The following MAP2 variants were observed in gnomAD, a reference collection of about 807,000 sequenced individuals.
The protein encoded by MAP2 is microtubule associated protein 2, also known as microtubule-associated protein 2.
Under a neutral mutation model 137.6 loss-of-function variants are expected in MAP2, and 14 were observed. That is an observed-to-expected ratio of 0.10 (90% CI 0.07 to 0.16). The LOEUF (loss-of-function observed/expected upper bound fraction) is 0.16, where lower values mean the gene tolerates loss of function less well. MAP2 is among the 10% of genes least tolerant of loss of function. The pLI is 1.00. For missense variants in MAP2, 2,088 were observed against 2,191.5 expected (o/e 0.95, Z 0.94); for synonymous variants, 786 against 782.3 (o/e 1.00, Z -0.08).
chr2:209,462,554 A>C (rs1703085422), intron 1 of MAP2, among the ~76,000 whole-genome samples: 1 of 152,196 alleles, frequency 6.6e-6, no homozygotes, highest in Admixed American at 6.5e-5. Context: ...CCAAGAGACA[A>C]AAAGAAAGTC....
chr2:209,634,882 C>T (rs1167789087), intron 4 of MAP2, among the ~76,000 whole-genome samples: 1 of 151,976 alleles, frequency 6.6e-6, no homozygotes, highest in Non-Finnish European at 1.5e-5. Flanking sequence ...ATAGAGAAAG[C>T]AAGCATTTTG....
At chr2:209,617,642 C>T (rs2089937935) in intron 3 of MAP2, among the ~76,000 whole-genome samples, 1 of 152,064 alleles carries the variant, frequency 6.6e-6, no homozygotes, top group African/African-American at 2.4e-5. Context: ...GGTGTCTCCT[C>T]CTCTTCTTAT....
At chr2:209,729,992 T>C (rs1032613668) in intron 15 of MAP2, 30 bp downstream of exon 15, 1 of 1,113,180 alleles carries the variant, frequency 9.0e-7, no homozygotes, top group African/African-American at 2.7e-5. Context: ...GCCAATCTTG[T>C]CTTTTTAAAA....
intron 5 of MAP2, among the ~76,000 whole-genome samples, chr2:209,668,486 T>A (rs1450763493): frequency 6.6e-6 from 1 of 152,042 alleles, no homozygotes; most frequent in Non-Finnish European, 1.5e-5. Context: ...ATGTATTTAA[T>A]AATATTTTCC....
In MAP2 at chr2:209,693,063, T is replaced by C. The variant is rs769662342; in HGVS notation, c.893T>C (p.Phe298Ser). 6.2e-6 allele frequency: 10 copies of C among 1,613,120 alleles called. No homozygotes were observed. The highest frequency in any genetic ancestry group is 5.1e-6 in the Non-Finnish European group (6 of 1,179,750). Reference sequence around the variant, plus strand: ...ACTCCCATGAGGGAAAAAGATGTATTTGATGATATCCCAAAATGGGAAGGG... The same window carrying C: ...ACTCCCATGAGGGAAAAAGATGTATCTGATGATATCCCAAAATGGGAAGGG... ...PLTPMREKDV[F>S]DDIPKWEGKQ... is the part of the protein sequence containing the mutation. Residue 298 changes from phenylalanine (F) to serine (S), a missense_variant, in exon 8 of 16, where the codon TTT becomes TCT. Phe to Ser is a radical substitution (Grantham distance 155). Around this residue, in one of 6 missense-constraint regions of MAP2, gnomAD observed 859 missense variants for 794.5 expected, o/e 1.08. Coordinates refer to ENST00000682079, the MANE Select transcript of MAP2 (RefSeq NM_001375505.1).
chr2:209,535,558 CTTTT>C (rs1325695071), intron 2 of MAP2, among the ~76,000 whole-genome samples: 1 of 137,716 alleles, frequency 7.3e-6, no homozygotes, highest in Non-Finnish European at 1.6e-5. Context: ...GGCAAAGTGT[CTTTT>C]TTTTTTTTTT....
chr2:209,660,700 C>CAAT (rs1196941789), intron 5 of MAP2, among the ~76,000 whole-genome samples: 3 of 120,124 alleles, frequency 2.5e-5, no homozygotes, highest in South Asian at 2.9e-4. Context: ...CGGCCTGCTG[C>CAAT]AATTATTATT....
intron 1 of MAP2, among the ~76,000 whole-genome samples, chr2:209,496,107 T>C (rs903314537): frequency 2.6e-5 from 4 of 152,230 alleles, no homozygotes; most frequent in Non-Finnish European, 4.4e-5. Flanking sequence ...TGATGTTTTG[T>C]ATGAATAATA....
rs763567565 is a variant in MAP2, at chr2:209,694,549, A to C, written c.2379A>C (p.Lys793Asn). ...CATGTGAGTCTCCTTTCCTAGCCAA[A>C]GATTTTTACAAAAATGGTACTGTCA... Reference protein sequence around the residue: ...EISCESPFLAKDFYKNGTVMA... With the variant: ...EISCESPFLANDFYKNGTVMA... The change falls in exon 8 of 16, where the codon AAA becomes AAC. Residue 793 changes from lysine (K) to asparagine (N), a missense_variant. By Grantham distance (94) the Lys-to-Asn change is moderately conservative (BLOSUM62 0). Coordinates refer to ENST00000682079, the MANE Select transcript of MAP2 (RefSeq NM_001375505.1). 1 of 1,614,064 alleles carries C rather than the reference A, an allele frequency of 6.2e-7. No individual in the cohort carries two copies. Among genetic ancestry groups the C allele is most frequent in the Admixed American group, 1.7e-5 (1 of 59,998 alleles).
At chr2:209,490,019 G>A (rs2058875842) in intron 1 of MAP2, among the ~76,000 whole-genome samples, 1 of 152,250 alleles carries the variant, frequency 6.6e-6, no homozygotes, top group Non-Finnish European at 1.5e-5. Context: ...AATGTTAAGG[G>A]CAGCCAGAGA....
intron 2 of MAP2, among the ~76,000 whole-genome samples, chr2:209,572,302 T>C (rs2074531865): frequency 6.6e-6 from 1 of 152,110 alleles, no homozygotes; most frequent in Non-Finnish European, 1.5e-5. Context: ...ATGTCAAAGA[T>C]GACCACATGC....
chr2:209,661,194 C>T (rs1414980959), intron 5 of MAP2, among the ~76,000 whole-genome samples: 1 of 152,144 alleles, frequency 6.6e-6, no homozygotes, highest in Non-Finnish European at 1.5e-5. Flanking sequence ...CTCACCTCGC[C>T]CTTTCTCCCC....
intron 2 of MAP2, among the ~76,000 whole-genome samples, chr2:209,563,725 A>G (rs896819114): frequency 3.9e-5 from 6 of 152,218 alleles, no homozygotes; most frequent in Non-Finnish European, 7.3e-5. Context: ...AATTCCTCAT[A>G]GAGGTTTTGG....
intron 1 of MAP2, among the ~76,000 whole-genome samples, chr2:209,478,023 C>A (rs986451914): frequency 8.6e-5 from 13 of 151,806 alleles, no homozygotes; most frequent in Admixed American, 6.6e-5. Context: ...AATAAAGATA[C>A]TAAAAATACT....
chr2:209,576,472 C>G (rs1486027235), intron 2 of MAP2, among the ~76,000 whole-genome samples: 1 of 151,918 alleles, frequency 6.6e-6, no homozygotes, highest in African/African-American at 2.4e-5. Context: ...GTTTCAAACT[C>G]CTGACCTCAG....
chr2:209,547,250 T>A (rs2068259784), intron 2 of MAP2, among the ~76,000 whole-genome samples: 1 of 152,026 alleles, frequency 6.6e-6, no homozygotes, highest in Non-Finnish European at 1.5e-5. Flanking sequence ...TTTGACATGC[T>A]ACTTCTCAGA....
At chr2:209,649,946 T>C (rs2094671098) in intron 4 of MAP2, among the ~76,000 whole-genome samples, 1 of 152,254 alleles carries the variant, frequency 6.6e-6, no homozygotes. Flanking sequence ...CATTAAATAC[T>C]AAGGAATTCA....
At chr2:209,505,433 A>T (rs1030296182) in intron 1 of MAP2, among the ~76,000 whole-genome samples, 1 of 152,182 alleles carries the variant, frequency 6.6e-6, no homozygotes, top group African/African-American at 2.4e-5. Flanking sequence ...GGACGCTATC[A>T]TTCTTATTTC....
chr2:209,641,701 A>G (rs918671539), intron 4 of MAP2, among the ~76,000 whole-genome samples: 6 of 151,878 alleles, frequency 4.0e-5, no homozygotes, highest in Admixed American at 2.6e-4. Context: ...GGGGGACTTA[A>G]AAAAAAGAAA....
Sources: allele counts gnomAD v4.1 joint callset (sites outside exome capture counted in the v4.1 genomes callset), GRCh38; gene constraint gnomAD v4.1.1; regional missense constraint gnomAD v4.1.1; transcripts MANE v1.5; gene names NCBI Gene and HGNC (gene_info 2026-07-23, HGNC 2026-07-21).